PSD3: variants seen among roughly 807,000 people sequenced by gnomAD.
PSD3 encodes the protein PH and SEC7 domain-containing protein 3.
A neutral mutation model predicts 105.5 loss-of-function variants in PSD3; 49 were observed. The observed-to-expected ratio is 0.46, with a 90% CI of 0.37 to 0.59. The LOEUF (loss-of-function observed/expected upper bound fraction) is 0.59, where lower values mean the gene tolerates loss of function less well. Ranked by LOEUF, PSD3 falls within the 20% of genes least tolerant of loss-of-function variation. PSD3 has a pLI of 0.00. For synonymous variants in PSD3, 557 were observed against 457.8 expected, an observed-to-expected ratio of 1.22 and a Z score of -2.77; for missense variants, 1,561 against 1,263.8, an observed-to-expected ratio of 1.24 and a Z score of -3.57.
chr8:18,967,879 A>G (rs1265105136), intron 1 of PSD3, among the ~76,000 whole-genome samples: 1 of 152,212 alleles, frequency 6.6e-6, no homozygotes, highest in African/African-American at 2.4e-5. Context: ...AGTGCTCAGA[A>G]TTAGAATTGG....
chr8:18,629,621 T>A (rs939419144), intron 11 of PSD3, among the ~76,000 whole-genome samples: 1 of 151,972 alleles, frequency 6.6e-6, no homozygotes, highest in Non-Finnish European at 1.5e-5. Context: ...AGTCCCATGA[T>A]TCCATTTATT....
intron 9 of PSD3, among the ~76,000 whole-genome samples, chr8:18,724,372 T>C (rs1028194992): frequency 1.3e-5 from 2 of 152,068 alleles, no homozygotes; most frequent in African/African-American, 2.4e-5. Context: ...AGCATTTTGG[T>C]AGGTCAGGGC....
At chr8:18,982,431 G>A (rs1163509713) in intron 1 of PSD3, among the ~76,000 whole-genome samples, 1 of 152,062 alleles carries the variant, frequency 6.6e-6, no homozygotes, top group Non-Finnish European at 1.5e-5. Flanking sequence ...TGTTCTTAAT[G>A]GCATCTAGAA....
chr8:18,831,847 A>T (rs1394381812), intron 4 of PSD3, among the ~76,000 whole-genome samples: 1 of 152,216 alleles, frequency 6.6e-6, no homozygotes, highest in African/African-American at 2.4e-5. Context: ...CTTGCTATTC[A>T]TATTCAGTTC....
intron 9 of PSD3, among the ~76,000 whole-genome samples, chr8:18,666,057 T>C (rs1799432022): frequency 6.6e-6 from 1 of 152,110 alleles, no homozygotes; most frequent in Non-Finnish European, 1.5e-5. Context: ...AGTGTAAACA[T>C]ACCTTTTTTT....
At chr8:18,602,658 CT>C (rs1442852607) in intron 11 of PSD3, among the ~76,000 whole-genome samples, 6 of 152,014 alleles carry the variant, frequency 3.9e-5, no homozygotes, top group African/African-American at 1.4e-4. Flanking sequence ...ACTATTGATA[CT>C]TCCATCTTAC....
chr8:19,061,417 T>C (rs968713310), intron 1 of PSD3, among the ~76,000 whole-genome samples: 2 of 152,126 alleles, frequency 1.3e-5, no homozygotes, highest in Non-Finnish European at 2.9e-5. Flanking sequence ...CCCACAAGTA[T>C]GTCGATTGCA....
rs181442790 is a variant in PSD3, at chr8:18,888,419, C to G, written c.131-15686G>C. Among the ~76,000 whole-genome samples, 3 of 151,908 alleles carry G rather than the reference C, an allele frequency of 2.0e-5. 1 individual carries two copies. In the East Asian group the frequency reaches 5.8e-4, roughly 29 times the overall value. ...CAATCTCGGCTATTAATCTGGATTC[C>G]GTCACTTTCCAATTATGTTACCTTG... is the stretch of plus-strand genomic sequence containing the variant. On this transcript the variant is annotated intron_variant, in intron 2 of 15. Coordinates refer to ENST00000327040, the MANE Select transcript of PSD3 (RefSeq NM_015310.4).
chr8:19,047,067 G>GC (rs1828345665), intron 1 of PSD3, among the ~76,000 whole-genome samples: 1 of 150,038 alleles, frequency 6.7e-6, no homozygotes, highest in Non-Finnish European at 1.5e-5. Context: ...CCCTCTCCGG[G>GC]GCTCGTTGCC....
intron 15 of PSD3, among the ~76,000 whole-genome samples, chr8:18,543,703 G>A (rs1292850846): frequency 1.3e-5 from 2 of 151,782 alleles, no homozygotes; most frequent in South Asian, 2.1e-4. Flanking sequence ...CAATGTCTAC[G>A]AGGGATAAAT....
intron 12 of PSD3, among the ~76,000 whole-genome samples, chr8:18,588,964 G>A (rs987137088): frequency 3.3e-5 from 5 of 152,138 alleles, no homozygotes; most frequent in Non-Finnish European, 4.4e-5. Flanking sequence ...TCAGAGAAAC[G>A]GTTTTGCCAA....
intron 11 of PSD3, among the ~76,000 whole-genome samples, chr8:18,615,174 A>G (rs1805566582): frequency 1.0e-5 from 1 of 97,670 alleles, no homozygotes; most frequent in Admixed American, 9.9e-5. Flanking sequence ...ACTCATTCCA[A>G]TTACCTACTC....
At chr8:18,564,359 T>C (rs1801595964) in intron 14 of PSD3, among the ~76,000 whole-genome samples, 1 of 152,168 alleles carries the variant, frequency 6.6e-6, no homozygotes, top group African/African-American at 2.4e-5. Context: ...CCAGGCACGG[T>C]GGCTCACGCC....
At chr8:19,013,724 C>T, upstream of PSD3, 1 of 677,026 alleles carries the variant, frequency 1.5e-6, no homozygotes. Flanking sequence ...GGCCCGCGCG[C>T]ACCCTGGCGG....
At chr8:19,066,888 A>C (rs901717930) in intron 1 of PSD3, among the ~76,000 whole-genome samples, 1 of 152,172 alleles carries the variant, frequency 6.6e-6, no homozygotes, top group African/African-American at 2.4e-5. Flanking sequence ...TGCCCCAATT[A>C]TTCATTTCCA....
At chr8:18,894,688 T>A (rs184416512) in intron 2 of PSD3, among the ~76,000 whole-genome samples, 4 of 152,238 alleles carry the variant, frequency 2.6e-5, no homozygotes, top group Admixed American at 1.3e-4. Flanking sequence ...AAAGAAATCT[T>A]ACCAAGCAGA....
chr8:18,533,465 G>A lies in PSD3; in HGVS notation c.*2278C>T, dbSNP rs1237084915. The A allele has an allele frequency of 2.0e-5, 3 of 152,142 alleles. No homozygotes were observed. Among genetic ancestry groups the A allele is most frequent in the African/African-American group, 4.8e-5 (2 of 41,426 alleles). The allele number at this position is 152,142 out of a possible 1,614,324, so 9.4% of individuals were successfully genotyped here. A position where few individuals can be genotyped will look rare whatever the true frequency, so the allele number is the denominator to read the frequency against. On this transcript the variant is annotated 3_prime_UTR_variant, in exon 16 of 16. Coordinates refer to ENST00000327040, the MANE Select transcript of PSD3 (RefSeq NM_015310.4). ...TTAATATTAGTGACTCATATGACACGGACAGTGCTATAGTGGTGCTGATGC... is the reference window on the plus strand; with the variant it reads ...TTAATATTAGTGACTCATATGACACAGACAGTGCTATAGTGGTGCTGATGC...
chr8:18,543,453 C>T (rs923990390), intron 15 of PSD3, among the ~76,000 whole-genome samples: 1 of 151,614 alleles, frequency 6.6e-6, no homozygotes, highest in African/African-American at 2.4e-5. Flanking sequence ...TCTCTACTAA[C>T]AAAAATACAA....
At chr8:18,889,378 C>G (rs1818642787) in intron 2 of PSD3, among the ~76,000 whole-genome samples, 1 of 152,084 alleles carries the variant, frequency 6.6e-6, no homozygotes, top group Non-Finnish European at 1.5e-5. Flanking sequence ...ACAGAAAACA[C>G]CCCTGTGCGA....
Sources: allele counts gnomAD v4.1 joint callset (sites outside exome capture counted in the v4.1 genomes callset), GRCh38; gene constraint gnomAD v4.1.1; transcripts MANE v1.5; gene names NCBI Gene and HGNC (gene_info 2026-07-23, HGNC 2026-07-21).